The following MAGI1 variants were observed in gnomAD, a reference collection of about 807,000 sequenced individuals.
MAGI1 encodes membrane associated guanylate kinase, WW and PDZ domain containing 1.
A neutral mutation model predicts 139.9 loss-of-function variants in MAGI1; 58 were observed. That is an observed-to-expected ratio of 0.41 (90% CI 0.34 to 0.52). MAGI1 has a LOEUF of 0.52. MAGI1 is among the 20% of genes least tolerant of loss of function. MAGI1 has a pLI of 0.12. For synonymous variants in MAGI1, 812 were observed against 737.9 expected, an observed-to-expected ratio of 1.10 and a Z score of -1.63; for missense variants, 1,874 against 1,901.6, an observed-to-expected ratio of 0.99 and a Z score of 0.27.
At chr3:65,959,780 CAAAT>C (rs1343036017) in intron 1 of MAGI1, among the ~76,000 whole-genome samples, 2 of 128,402 alleles carry the variant, frequency 1.6e-5, no homozygotes, top group Non-Finnish European at 3.3e-5. Context: ...TCTTAATGGA[CAAAT>C]AAATAAATTC....
At chr3:65,812,524 T>G (rs530978241) in intron 1 of MAGI1, among the ~76,000 whole-genome samples, 1 of 150,644 alleles carries the variant, frequency 6.6e-6, no homozygotes, top group South Asian at 2.2e-4. Flanking sequence ...TCAGGACTTA[T>G]TTATCCAAGT....
At chr3:65,462,025 T>C (rs1211064641) in intron 5 of MAGI1, among the ~76,000 whole-genome samples, 1 of 152,122 alleles carries the variant, frequency 6.6e-6, no homozygotes, top group African/African-American at 2.4e-5. Flanking sequence ...ATGTTAGCCC[T>C]TTGAATGGAT....
intron 1 of MAGI1, among the ~76,000 whole-genome samples, chr3:65,919,063 G>C (rs1269913077): frequency 6.6e-6 from 1 of 152,180 alleles, no homozygotes; most frequent in Admixed American, 6.5e-5. Flanking sequence ...AGATAGTATG[G>C]TTAACATTGA....
intron 1 of MAGI1, among the ~76,000 whole-genome samples, chr3:65,840,213 T>C (rs531588323): frequency 1.3e-5 from 2 of 152,062 alleles, no homozygotes; most frequent in African/African-American, 4.8e-5. Flanking sequence ...CCTGCAAAGA[T>C]GTAGTTTATT....
intron 12 of MAGI1, among the ~76,000 whole-genome samples, chr3:65,425,080 GA>G (rs1322375529): frequency 1.0e-4 from 4 of 39,228 alleles, no homozygotes; most frequent in East Asian, 2.9e-4. Flanking sequence ...AAGAGAAGAA[GA>G]AAAAAAAAAC....
chr3:65,537,111 C>T (rs142643205), intron 2 of MAGI1, among the ~76,000 whole-genome samples: 6 of 152,284 alleles, frequency 3.9e-5, no homozygotes, highest in South Asian at 2.1e-4. Context: ...TCCCAACCTA[C>T]GCTGTCTAAC....
At chr3:65,804,728 C>G (rs769230167) in intron 1 of MAGI1, among the ~76,000 whole-genome samples, 3 of 151,962 alleles carry the variant, frequency 2.0e-5, no homozygotes, top group Non-Finnish European at 4.4e-5. Context: ...GGCACTGGTA[C>G]CAAAACAGGC....
intron 1 of MAGI1, among the ~76,000 whole-genome samples, chr3:65,930,852 C>T (rs1457847503): frequency 6.6e-6 from 1 of 152,100 alleles, no homozygotes; most frequent in Non-Finnish European, 1.5e-5. Context: ...AGGAAGTTAC[C>T]GTATATGGTC....
intron 1 of MAGI1, among the ~76,000 whole-genome samples, chr3:65,833,411 G>A (rs759600479): frequency 3.3e-5 from 5 of 152,042 alleles, no homozygotes; most frequent in Non-Finnish European, 5.9e-5. Flanking sequence ...GAGCCACCAC[G>A]CCTGGCCTAG....
intron 2 of MAGI1, among the ~76,000 whole-genome samples, chr3:65,552,021 GA>G (rs1302812097): frequency 1.3e-5 from 2 of 152,206 alleles, no homozygotes; most frequent in African/African-American, 4.8e-5. Context: ...GAGGCAGTGA[GA>G]TATTCCTGTC....
intron 1 of MAGI1, among the ~76,000 whole-genome samples, chr3:65,965,501 T>A (rs1447115593): frequency 6.6e-6 from 1 of 152,094 alleles, no homozygotes; most frequent in Non-Finnish European, 1.5e-5. Flanking sequence ...AATTAGCAAA[T>A]GTTAGGGGGT....
Position 65,364,945 on chromosome 3 carries a change from C to G in MAGI1, c.3198G>C (p.Glu1066Asp). 1 of 1,613,636 alleles carries G rather than the reference C, an allele frequency of 6.2e-7. No homozygotes were observed. Among genetic ancestry groups the G allele is most frequent in the African/African-American group, 1.3e-5 (1 of 74,998 alleles). ...TVTLRIIPGD[E>D]SSNATLLTNA... ...TGGTCAGCAAGGTGGCATTCGAGGACTCTGCAAAGAGGGACAGAGCATAAA... is the reference window on the plus strand; with the variant it reads ...TGGTCAGCAAGGTGGCATTCGAGGAGTCTGCAAAGAGGGACAGAGCATAAA... Residue 1066 changes from glutamate (E) to aspartate (D), a missense_variant and splice_region_variant, in exon 19 of 23, where the codon GAG becomes GAC. Transcript: ENST00000402939.
intron 1 of MAGI1, among the ~76,000 whole-genome samples, chr3:65,828,207 A>T (rs2042332965): frequency 6.6e-6 from 1 of 152,148 alleles, no homozygotes; most frequent in African/African-American, 2.4e-5. Flanking sequence ...TTCACTGTTA[A>T]CTCAGCATAT....
At chr3:65,717,300 A>C (rs922418759) in intron 1 of MAGI1, among the ~76,000 whole-genome samples, 4 of 152,204 alleles carry the variant, frequency 2.6e-5, no homozygotes, top group Non-Finnish European at 5.9e-5. Flanking sequence ...ATGTGGCAAT[A>C]CCTGAAAACA....
At chr3:65,587,288 C>T (rs1275314431) in intron 2 of MAGI1, among the ~76,000 whole-genome samples, 6 of 152,090 alleles carry the variant, frequency 3.9e-5, no homozygotes. Flanking sequence ...AAAACATTTA[C>T]ATTAGCCTAG....
At chr3:65,638,781 A>G (rs541640501) in intron 1 of MAGI1, among the ~76,000 whole-genome samples, 1 of 150,850 alleles carries the variant, frequency 6.6e-6, no homozygotes, top group East Asian at 2.0e-4. Context: ...TAACTTTTAT[A>G]TTTTTAGTAG....
rs116071825 is a variant in MAGI1 at position 65,378,419 on chromosome 3, T to C, written c.2995+842A>G. ...AAATTAAAAAAAATTCCTATGGGGA[T>C]AGAGTAGAGAAAGAACACAGATGAG... On this transcript the variant is annotated intron_variant, in intron 17 of 22. Transcript: ENST00000402939. 7.7e-3 allele frequency among the ~76,000 whole-genome samples: 1,174 copies of C among 152,278 alleles called. 19 individuals carry two copies. The highest frequency in any genetic ancestry group is 0.026 in the African/African-American group (1,093 of 41,556).
rs994121857 is a variant in MAGI1 at position 65,927,668 on chromosome 3, T to A, written c.313+110328A>T. Among the ~76,000 whole-genome samples the A allele has an allele frequency of 3.3e-5, 5 of 152,328 alleles. No homozygotes were observed. The South Asian group carries it at 1.0e-3, about 32-fold the overall frequency. The stretch of plus-strand genomic sequence containing the variant: ...GTTCAATCAATCATTGGTAAAATGA[T>A]ACAATGAGGAAAACCTGGCTTGGCT... On this transcript the variant is annotated intron_variant, in intron 1 of 22. Coordinates refer to ENST00000402939, the MANE Select transcript of MAGI1 (RefSeq NM_001033057.2).
At chr3:65,872,050 C>A (rs2059957600) in intron 1 of MAGI1, among the ~76,000 whole-genome samples, 1 of 152,148 alleles carries the variant, frequency 6.6e-6, no homozygotes, top group African/African-American at 2.4e-5. Flanking sequence ...AACCTGGGGA[C>A]TGACCCTCTC....
Sources: allele counts gnomAD v4.1 joint callset (sites outside exome capture counted in the v4.1 genomes callset), GRCh38; gene constraint gnomAD v4.1.1; transcripts MANE v1.5; gene names NCBI Gene and HGNC (gene_info 2026-07-23, HGNC 2026-07-21).